The following DEFB112 variants were observed in gnomAD, a reference collection of about 807,000 sequenced individuals.
DEFB112 encodes beta-defensin 112.
DEFB112 carries 2 observed loss-of-function variants against 1.1 expected under a neutral mutation model. The ratio of observed to expected loss-of-function variants is 1.85; its 90% CI spans 0.76 to 5.83. The LOEUF is 5.83. Among genes scored for constraint, DEFB112 ranks in the 30% most tolerant of loss-of-function variants. The pLI is 0.05. For missense variants in DEFB112, 120 were observed against 94.4 expected, an observed-to-expected ratio of 1.27 and a Z score of -1.12; for synonymous variants, 40 against 31.2, an observed-to-expected ratio of 1.28 and a Z score of -0.93.
At chr6:50,045,196 A>T (rs1266850686) in intron 1 of DEFB112, among the ~76,000 whole-genome samples, 1 of 152,094 alleles carries the variant, frequency 6.6e-6, no homozygotes, top group Non-Finnish European at 1.5e-5. Flanking sequence ...TCATAATTGG[A>T]TTAGCCTCAG....
At chr6:50,048,542 C>T in intron 1 of DEFB112, 1 of 1,612,182 alleles carries the variant, frequency 6.2e-7, no homozygotes, top group Non-Finnish European at 8.5e-7. Flanking sequence ...TTTACCTGTG[C>T]TGATTTTCTC....
rs1183958158 is a variant in DEFB112, at chr6:50,043,484, T to C, written c.*91A>G. On this transcript the variant is annotated 3_prime_UTR_variant, in exon 2 of 2. Transcript: ENST00000651554. ...TTTAATTATTTATTCATTATAGGTA[T>C]GCATGCATGGAAATTATAGGTCATT... 2 of 832,310 alleles carry C rather than the reference T, an allele frequency of 2.4e-6. No individual in the cohort carries two copies. The highest frequency in any genetic ancestry group is 2.7e-5 in the East Asian group (1 of 37,646). 51.6% of individuals were successfully genotyped at this position (832,310 alleles called of 1,614,324 possible). A position where few individuals can be genotyped will look rare whatever the true frequency, so the allele number is the denominator to read the frequency against.
intron 1 of DEFB112, among the ~76,000 whole-genome samples, chr6:50,045,152 G>A (rs1043683891): frequency 1.3e-5 from 2 of 151,912 alleles, no homozygotes; most frequent in South Asian, 2.1e-4. Context: ...AATATTTCAA[G>A]CCCATATTTA....
At chr6:50,045,873 G>A (rs138346152) in intron 1 of DEFB112, among the ~76,000 whole-genome samples, 9 of 152,166 alleles carry the variant, frequency 5.9e-5, no homozygotes, top group South Asian at 2.1e-4. Flanking sequence ...GATAGTCCCC[G>A]AATTACAATA....
intron 1 of DEFB112, 112 bp from the exon 2 acceptor site, chr6:50,043,913 T>C (rs1486787163): frequency 4.4e-6 from 4 of 908,722 alleles, no homozygotes; most frequent in Non-Finnish European, 6.7e-6. Context: ...AGGAAATGGA[T>C]ATTTGCTTTA....
Sources: gnomAD v4.1 joint callset for allele counts (sites outside exome capture counted in the v4.1 genomes callset) on GRCh38, gnomAD v4.1.1 for gene constraint, MANE v1.5 for transcripts, NCBI Gene and HGNC (gene_info 2026-07-23, HGNC 2026-07-21) for gene names.